The following PPP6R3 variants were observed in gnomAD, a reference collection of about 807,000 sequenced individuals.
The protein encoded by PPP6R3 is serine/threonine-protein phosphatase 6 regulatory subunit 3.
A neutral mutation model predicts 110.7 loss-of-function variants in PPP6R3; 38 were observed. That is an observed-to-expected ratio of 0.34 (90% CI 0.26 to 0.45). PPP6R3 has a LOEUF of 0.45. Among genes scored for constraint, PPP6R3 ranks in the 20% least tolerant of loss-of-function variants. The probability of loss-of-function intolerance (pLI) is 1.00; values close to 1 mark genes in which losing one functional copy is unlikely to be tolerated. For missense variants in PPP6R3, 870 were observed against 1,062.4 expected (o/e 0.82, Z 2.52); for synonymous variants, 369 against 373.5 (o/e 0.99, Z 0.14).
intron 3 of PPP6R3, among the ~76,000 whole-genome samples, chr11:68,540,216 T>C (rs1342465176): frequency 1.3e-5 from 2 of 152,142 alleles, no homozygotes; most frequent in Non-Finnish European, 2.9e-5. Flanking sequence ...GATATTCACA[T>C]AGGTTCTTTT....
At chr11:68,517,581 A>G (rs993565951) in intron 1 of PPP6R3, among the ~76,000 whole-genome samples, 6 of 152,204 alleles carry the variant, frequency 3.9e-5, no homozygotes, top group Non-Finnish European at 8.8e-5. Context: ...AAAGCACACA[A>G]GAGCATGCAG....
chr11:68,499,182 G>T (rs983528180), intron 1 of PPP6R3, among the ~76,000 whole-genome samples: 5 of 151,898 alleles, frequency 3.3e-5, no homozygotes, highest in Non-Finnish European at 7.4e-5. Context: ...AAACGTAGTG[G>T]ATTAAAACAG....
At chr11:68,503,610 A>T (rs2099059772) in intron 1 of PPP6R3, among the ~76,000 whole-genome samples, 1 of 152,178 alleles carries the variant, frequency 6.6e-6, no homozygotes, top group African/African-American at 2.4e-5. Flanking sequence ...TGCTGCTGAG[A>T]GTGAGGTGTA....
At chr11:68,590,221 G>A (rs978408848) in intron 16 of PPP6R3, among the ~76,000 whole-genome samples, 2 of 152,206 alleles carry the variant, frequency 1.3e-5, no homozygotes, top group Non-Finnish European at 2.9e-5. Context: ...AACAGCATAA[G>A]ATTTCATGGG....
intron 1 of PPP6R3, among the ~76,000 whole-genome samples, chr11:68,483,552 G>A (rs1350476947): frequency 6.6e-6 from 1 of 151,562 alleles, no homozygotes; most frequent in Non-Finnish European, 1.5e-5. Flanking sequence ...GTGTGATCTC[G>A]GCTCATTGTA....
chr11:68,565,088 T>G (rs1415473043), intron 9 of PPP6R3, among the ~76,000 whole-genome samples: 1 of 152,086 alleles, frequency 6.6e-6, no homozygotes, highest in African/African-American at 2.4e-5. Flanking sequence ...AGTTCTTAAG[T>G]TTCCTTTTTT....
At chr11:68,529,502 C>G (rs573655818) in intron 2 of PPP6R3, among the ~76,000 whole-genome samples, 1 of 152,208 alleles carries the variant, frequency 6.6e-6, no homozygotes, top group Non-Finnish European at 1.5e-5. Flanking sequence ...CAGGTGTGAG[C>G]CACCGCGCCC....
In PPP6R3 at chr11:68,510,014, C is replaced by G. The variant is rs144580380; in HGVS notation, c.-157-9487C>G. On this transcript the variant is annotated intron_variant, in intron 1 of 23. Coordinates refer to ENST00000393800, the MANE Select transcript of PPP6R3 (RefSeq NM_001164161.2). ...GTGATCCACCTGATTTGGCACCTCC[C>G]AAAGTGCTGGGATTACAGGTGTGAG... Among the ~76,000 whole-genome samples the G allele has an allele frequency of 2.9e-3, 425 of 148,548 alleles. 2 individuals are homozygous for G. The highest frequency in any genetic ancestry group is 4.8e-3 in the Admixed American group (71 of 14,870).
intron 19 of PPP6R3, among the ~76,000 whole-genome samples, chr11:68,596,421 G>A (rs563252902): frequency 2.0e-5 from 3 of 152,342 alleles, no homozygotes; most frequent in African/African-American, 7.2e-5. Flanking sequence ...TTGTGGATAA[G>A]GTACCTCCCC....
intron 9 of PPP6R3, among the ~76,000 whole-genome samples, chr11:68,566,059 T>A (rs539889218): frequency 6.6e-6 from 1 of 152,204 alleles, no homozygotes. Flanking sequence ...CTTCTACTTT[T>A]GTGATTTCAG....
intron 15 of PPP6R3, among the ~76,000 whole-genome samples, chr11:68,583,801 TC>T (rs2153828081): frequency 6.6e-6 from 1 of 152,354 alleles, no homozygotes; most frequent in South Asian, 2.1e-4. Context: ...TATCAGCTTT[TC>T]ATATGGAGAA....
intron 1 of PPP6R3, among the ~76,000 whole-genome samples, chr11:68,515,643 C>T (rs2099132781): frequency 6.6e-6 from 1 of 152,154 alleles, no homozygotes; most frequent in South Asian, 2.1e-4. Context: ...GAGATTATGA[C>T]CCAGACTTTC....
chr11:68,570,399 A>G (rs1455180158), intron 11 of PPP6R3, among the ~76,000 whole-genome samples: 1 of 152,166 alleles, frequency 6.6e-6, no homozygotes, highest in African/African-American at 2.4e-5. Context: ...GTTCTATGGT[A>G]CTTTTAAAAT....
intron 2 of PPP6R3, among the ~76,000 whole-genome samples, chr11:68,520,767 T>TTTTG (rs949279176): frequency 3.3e-5 from 5 of 152,140 alleles, no homozygotes; most frequent in African/African-American, 4.8e-5. Context: ...CATAGAGTTT[T>TTTTG]TTTGTTTGTT....
At chr11:68,502,296 A>C (rs1478865268) in intron 1 of PPP6R3, among the ~76,000 whole-genome samples, 1 of 152,244 alleles carries the variant, frequency 6.6e-6, no homozygotes, top group Admixed American at 6.5e-5. Context: ...TCACATTTTT[A>C]TACTAAATCT....
At position 68,569,882 on chromosome 11, in the gene PPP6R3, T is replaced by C; in HGVS notation, c.1263T>C (p.Asn421=). ...CCGATCAAGACTCCACTGGTGATAA[T>C]TTGTTATTAAAACATGTAAGCTTAT... ...TITDQDSTGD[N]LLLKHLFQKC... Residue 421 remains asparagine, a synonymous_variant, in exon 11 of 24, where the codon AAT becomes AAC. Coordinates refer to ENST00000393800, the MANE Select transcript of PPP6R3 (RefSeq NM_001164161.2). The C allele has an allele frequency of 6.2e-7, 1 of 1,609,220 alleles. No individual in the cohort carries two copies. The highest frequency in any genetic ancestry group is 8.5e-7 in the Non-Finnish European group (1 of 1,176,962).
intron 14 of PPP6R3, among the ~76,000 whole-genome samples, chr11:68,581,353 AGT>A (rs1461617546): frequency 7.2e-5 from 11 of 152,248 alleles, no homozygotes; most frequent in Non-Finnish European, 1.6e-4. Flanking sequence ...TTAATTAAAG[AGT>A]GTTAAAATCT....
At chr11:68,462,620 CT>C (rs1210467161) in intron 1 of PPP6R3, among the ~76,000 whole-genome samples, 1 of 152,156 alleles carries the variant, frequency 6.6e-6, no homozygotes, top group Non-Finnish European at 1.5e-5. Flanking sequence ...TGGGAAATAG[CT>C]TTTGTCCTGG....
chr11:68,570,921 G>A, intron 11 of PPP6R3, 119 bp from the exon 12 acceptor site: 1 of 1,285,880 alleles, frequency 7.8e-7, no homozygotes, highest in Non-Finnish European at 1.0e-6. Context: ...ATTTGGCTTA[G>A]TAACATTTAG....
Sources: gnomAD v4.1 joint callset for allele counts (sites outside exome capture counted in the v4.1 genomes callset) on GRCh38, gnomAD v4.1.1 for gene constraint, MANE v1.5 for transcripts, NCBI Gene and HGNC (gene_info 2026-07-23, HGNC 2026-07-21) for gene names.